Variants in INTS4 observed in about 807,000 individuals in gnomAD.
INTS4 encodes MSTP093.
INTS4 carries 70 observed loss-of-function variants against 119.5 expected under a neutral mutation model. The observed-to-expected ratio is 0.59, with a 90% CI of 0.48 to 0.71. INTS4 has a LOEUF of 0.71. Ranked by LOEUF, INTS4 falls within the 30% of genes least tolerant of loss-of-function variation. The pLI, the probability that INTS4 is intolerant of heterozygous loss-of-function variation, is 0.00. For synonymous variants in INTS4, 316 were observed against 419.6 expected, an observed-to-expected ratio of 0.75 and a Z score of 3.02; for missense variants, 867 against 1,173.2, an observed-to-expected ratio of 0.74 and a Z score of 3.81.
chr11:77,958,571 G>A (rs1341180487), intron 7 of INTS4, among the ~76,000 whole-genome samples, 175 bp downstream of exon 7: 1 of 152,228 alleles, frequency 6.6e-6, no homozygotes, highest in Non-Finnish European at 1.5e-5. Flanking sequence ...TCCTATCAGA[G>A]ATGAAAAATG....
chr11:77,965,863 C>T (rs1416667711), intron 4 of INTS4, among the ~76,000 whole-genome samples: 1 of 152,200 alleles, frequency 6.6e-6, no homozygotes, highest in Non-Finnish European at 1.5e-5. Flanking sequence ...GACTAGATCA[C>T]ATGCTAGTTC....
intron 8 of INTS4, among the ~76,000 whole-genome samples, chr11:77,953,127 AG>A (rs1954235341): frequency 6.6e-6 from 1 of 152,244 alleles, no homozygotes; most frequent in Non-Finnish European, 1.5e-5. Flanking sequence ...CACAGGTTTC[AG>A]CAAATACTCC....
At chr11:77,939,913 C>T (rs1320917069) in intron 9 of INTS4, among the ~76,000 whole-genome samples, 1 of 151,968 alleles carries the variant, frequency 6.6e-6, no homozygotes, top group African/African-American at 2.4e-5. Flanking sequence ...AGCTGAGAGA[C>T]ATATACCAAA....
intron 21 of INTS4, among the ~76,000 whole-genome samples, chr11:77,888,247 C>G (rs1263237926): frequency 6.6e-6 from 1 of 152,188 alleles, no homozygotes; most frequent in East Asian, 1.9e-4. Context: ...TGGAACAGAA[C>G]AGAGCCCTCA....
chr11:77,956,057 A>G lies in INTS4; in HGVS notation c.803T>C (p.Val268Ala). ...VVSQLYPESI[V>A]PIPSSNEEIR... ...TTCTTCATTAGAAGAAGGAATTGGG[A>G]CAATGCTAAATTAAAAGAAAAGAAA... The change falls in exon 8 of 23, where the codon GTC becomes GCC. Residue 268 changes from valine (V) to alanine (A), a missense_variant. Physicochemically the swap from Val to Ala is moderately conservative, Grantham distance 64. This residue lies in a region of INTS4 where 208 missense variants were observed against 306.6 expected (regional missense o/e 0.68). Transcript: ENST00000534064. 6.3e-7 allele frequency: 1 copy of G among 1,595,332 alleles called. No individual in the cohort carries two copies. The highest frequency in any genetic ancestry group is 8.5e-7 in the Non-Finnish European group (1 of 1,175,204).
chr11:77,959,905 C>T (rs1954422356), intron 6 of INTS4, among the ~76,000 whole-genome samples: 1 of 152,034 alleles, frequency 6.6e-6, no homozygotes, highest in African/African-American at 2.4e-5. Context: ...CTTTCTTTAC[C>T]ACTACTACTA....
chr11:77,985,911 T>G (rs769926771), intron 2 of INTS4, among the ~76,000 whole-genome samples: 1 of 152,062 alleles, frequency 6.6e-6, no homozygotes, highest in African/African-American at 2.4e-5. Context: ...TACTAATGCC[T>G]GATCACAAAA....
chr11:77,993,981 T>G (rs560706918), intron 1 of INTS4, among the ~76,000 whole-genome samples: 32 of 152,228 alleles, frequency 2.1e-4, no homozygotes, highest in South Asian at 1.0e-3. Context: ...CGACAGGGAC[T>G]CTGCCCACCT....
Position 77,883,972 on chromosome 11 carries a change from A to G in INTS4, c.2593-20T>C. The G allele has an allele frequency of 6.2e-7, 1 of 1,609,464 alleles. No homozygotes were observed. The highest frequency in any genetic ancestry group is 8.5e-7 in the Non-Finnish European group (1 of 1,177,298). On this transcript the variant is annotated intron_variant, in intron 21 of 22. Transcript: ENST00000534064. ...TAAGACCTAAAGGGTGACAGAAATG[A>G]GAAAAAGGCAGAAGCGAGAGGAGCA...
intron 4 of INTS4, among the ~76,000 whole-genome samples, chr11:77,974,235 T>C (rs1047136246): frequency 3.1e-5 from 2 of 65,134 alleles, no homozygotes; most frequent in Non-Finnish European, 6.2e-5. Flanking sequence ...TAATTTTTCT[T>C]TTCTTTTTTT....
chr11:77,958,768 C>T lies in INTS4; in HGVS notation c.775G>A (p.Val259Ile), dbSNP rs762666423. The T allele has an allele frequency of 1.6e-5, 26 of 1,610,300 alleles. No homozygotes were observed. Among genetic ancestry groups the T allele is most frequent in the South Asian group, 3.3e-5 (3 of 90,852 alleles). ...RSAAVQLIWV[V>I]SQLYPESIVP... is the part of the protein sequence containing the mutation. ...GACCTTTCAGGATAGAGCTGACTGA[C>T]GACCCAGATAAGCTGGACTGCAGCA... The change falls in exon 7 of 23, where the codon GTC becomes ATC. Residue 259 changes from valine to isoleucine, a missense_variant. By Grantham distance (29) the Val-to-Ile change is conservative. Coordinates refer to ENST00000534064, the MANE Select transcript of INTS4 (RefSeq NM_033547.4).
intron 8 of INTS4, among the ~76,000 whole-genome samples, chr11:77,949,804 C>G (rs1011473661): frequency 6.6e-6 from 1 of 151,912 alleles, no homozygotes; most frequent in African/African-American, 2.4e-5. Flanking sequence ...TGGAAGACAG[C>G]ATGGCGATTC....
At position 77,879,093 on chromosome 11, in the gene INTS4, G is replaced by T; in HGVS notation, c.2748C>A (p.Ala916=). 1 of 1,614,088 alleles carries T rather than the reference G, an allele frequency of 6.2e-7. No homozygotes were observed. Among genetic ancestry groups the T allele is most frequent in the South Asian group, 1.1e-5 (1 of 91,088 alleles). Residue 916 remains alanine (A), a synonymous_variant, in exon 23 of 23, where the codon GCC becomes GCA. Coordinates refer to ENST00000534064, the MANE Select transcript of INTS4 (RefSeq NM_033547.4). ...TTGGAATGCGAGCACTGGAGTTGTA[G>T]GCCAGCAGCAGCCTCACTTCCACCT... is the stretch of plus-strand genomic sequence containing the variant. ...ACQVEVRLLL[A]YNSSARIPKC...
At chr11:77,904,221 C>G (rs1322528267) in intron 16 of INTS4, among the ~76,000 whole-genome samples, 2 of 152,176 alleles carry the variant, frequency 1.3e-5, no homozygotes, top group African/African-American at 4.8e-5. Context: ...GTGACAGCCT[C>G]TTATTTTCTC....
In INTS4 at chr11:77,921,354, C is replaced by G. The variant is rs774648303; in HGVS notation, c.1750G>C (p.Val584Leu). The G allele has an allele frequency of 1.9e-6, 3 of 1,613,266 alleles. No individual in the cohort carries two copies. The highest frequency in any genetic ancestry group is 1.7e-6 in the Non-Finnish European group (2 of 1,179,556). The change falls in exon 14 of 23, where the codon GTT (valine) becomes CTT (leucine). Residue 584 changes from valine to leucine, a missense_variant. By Grantham distance (32) the Val-to-Leu change is conservative (BLOSUM62 1). Transcript: ENST00000534064. The stretch of plus-strand genomic sequence containing the variant: ...TTTCAACATACCCTCAAGGCAGGAA[C>G]AAGATGAGAAAGACTGTCTCGGAGG... ...AYLRDSLSHLVPALRLPGRKL... is the reference protein window; with the variant it reads ...AYLRDSLSHLLPALRLPGRKL...
intron 14 of INTS4, among the ~76,000 whole-genome samples, chr11:77,919,621 TGAAG>T (rs1565244116): frequency 2.0e-5 from 3 of 152,204 alleles, no homozygotes; most frequent in African/African-American, 7.2e-5. Context: ...ATCTTTCACT[TGAAG>T]GAAGAATAAT....
chr11:77,925,126 C>A (rs1953465108), intron 11 of INTS4, among the ~76,000 whole-genome samples: 1 of 152,132 alleles, frequency 6.6e-6, no homozygotes, highest in Non-Finnish European at 1.5e-5. Flanking sequence ...CTATCTGGAA[C>A]TCAATCATGA....
intron 7 of INTS4, among the ~76,000 whole-genome samples, chr11:77,957,562 A>G (rs1462032676): frequency 2.7e-5 from 4 of 150,660 alleles, no homozygotes; most frequent in African/African-American, 9.8e-5. Flanking sequence ...AAAAAAAAGT[A>G]CGTAACCCAC....
At chr11:77,875,536 G>A (rs1477535466), downstream of INTS4, among the ~76,000 whole-genome samples, 3 of 152,118 alleles carry the variant, frequency 2.0e-5, no homozygotes, top group African/African-American at 4.8e-5. Flanking sequence ...GAATAGCACC[G>A]CCTTCTCCAA....
Sources: gnomAD v4.1 joint callset for allele counts (sites outside exome capture counted in the v4.1 genomes callset) on GRCh38, gnomAD v4.1.1 for gene constraint, gnomAD v4.1.1 regional missense constraint, MANE v1.5 for transcripts, NCBI Gene and HGNC (gene_info 2026-07-23, HGNC 2026-07-21) for gene names.